The following TRPC7 variants were observed in gnomAD, a reference collection of about 807,000 sequenced individuals.
TRPC7 encodes the protein short transient receptor potential channel 7.
Under a neutral mutation model 90.1 loss-of-function variants are expected in TRPC7, and 42 were observed. The ratio of observed to expected loss-of-function variants is 0.47; its 90% CI spans 0.36 to 0.60. The LOEUF (loss-of-function observed/expected upper bound fraction) is 0.60, where lower values mean the gene tolerates loss of function less well. Among genes scored for constraint, TRPC7 ranks in the 20% least tolerant of loss-of-function variants. TRPC7 has a pLI of 0.00. For missense variants in TRPC7, 955 were observed against 1,112.3 expected (o/e 0.86, Z 2.01); for synonymous variants, 451 against 436.3 (o/e 1.03, Z -0.42).
intron 10 of TRPC7, among the ~76,000 whole-genome samples, chr5:136,216,595 A>G (rs1755278023): frequency 6.6e-6 from 1 of 152,260 alleles, no homozygotes; most frequent in Non-Finnish European, 1.5e-5. Context: ...TCTCTGCTCC[A>G]GGGGCCTTGG....
intron 3 of TRPC7, among the ~76,000 whole-genome samples, chr5:136,277,655 T>G (rs1417095018): frequency 6.6e-6 from 1 of 152,166 alleles, no homozygotes; most frequent in Non-Finnish European, 1.5e-5. Context: ...ACTCGGGGTG[T>G]GACCAGGATT....
intron 2 of TRPC7, among the ~76,000 whole-genome samples, chr5:136,325,266 G>A (rs1420227389): frequency 1.3e-5 from 2 of 152,200 alleles, no homozygotes; most frequent in Admixed American, 6.5e-5. Context: ...AAGAGTGGAG[G>A]ACATGCCTGG....
chr5:136,274,408 A>G (rs773117513), intron 4 of TRPC7, among the ~76,000 whole-genome samples: 1 of 152,110 alleles, frequency 6.6e-6, no homozygotes, highest in African/African-American at 2.4e-5. Context: ...TTTATTCTCA[A>G]TTCTGTTACT....
chr5:136,342,956 T>G (rs1375498481), intron 2 of TRPC7, among the ~76,000 whole-genome samples: 2 of 152,130 alleles, frequency 1.3e-5, no homozygotes, highest in African/African-American at 4.8e-5. Context: ...CAGAAACATG[T>G]ATTTGGGAAT....
At chr5:136,328,601 G>A (rs570937367) in intron 2 of TRPC7, among the ~76,000 whole-genome samples, 2 of 152,296 alleles carry the variant, frequency 1.3e-5, no homozygotes, top group East Asian at 1.9e-4. Context: ...TAATCTCTCT[G>A]TGTGCTCTAA....
At chr5:136,331,334 A>C (rs1246349099) in intron 2 of TRPC7, among the ~76,000 whole-genome samples, 1 of 152,088 alleles carries the variant, frequency 6.6e-6, no homozygotes, top group Non-Finnish European at 1.5e-5. Flanking sequence ...TTACTCATTT[A>C]ATCAACAAAA....
At chr5:136,241,553 C>A (rs1756165075) in intron 7 of TRPC7, among the ~76,000 whole-genome samples, 1 of 151,554 alleles carries the variant, frequency 6.6e-6, no homozygotes, top group Non-Finnish European at 1.5e-5. Flanking sequence ...GCACTCTTTT[C>A]CTTCCTTCCT....
chr5:136,279,210 A>G (rs1303668278), intron 3 of TRPC7, among the ~76,000 whole-genome samples: 1 of 152,124 alleles, frequency 6.6e-6, no homozygotes, highest in African/African-American at 2.4e-5. Context: ...AGTTTTCTAG[A>G]CCAAGAGAGA....
intron 2 of TRPC7, among the ~76,000 whole-genome samples, chr5:136,349,482 A>C (rs1760123475): frequency 3.9e-5 from 6 of 152,182 alleles, no homozygotes; most frequent in Admixed American, 3.9e-4. Context: ...CTGGTGAAAA[A>C]TTAATAGTGC....
At chr5:136,217,894 G>A (rs1460300476) in intron 10 of TRPC7, among the ~76,000 whole-genome samples, 1 of 151,220 alleles carries the variant, frequency 6.6e-6, no homozygotes, top group Non-Finnish European at 1.5e-5. Context: ...GTGTGTGCCT[G>A]TAATCCCAGC....
At position 136,365,343 on chromosome 5, in the gene TRPC7, C is replaced by T; in HGVS notation, c.-89G>A. ...GAAGCTGGCTCCCCATGGGTGGTAGCCAAGGATGTACCGCTCTCCGTGGTG... is the reference window on the plus strand; with the variant it reads ...GAAGCTGGCTCCCCATGGGTGGTAGTCAAGGATGTACCGCTCTCCGTGGTG... On this transcript the variant is annotated 5_prime_UTR_variant, in exon 1 of 12. Coordinates refer to ENST00000513104, the MANE Select transcript of TRPC7 (RefSeq NM_020389.3). 7.3e-7 allele frequency: 1 copy of T among 1,364,832 alleles called. No homozygotes were observed. The highest frequency in any genetic ancestry group is 1.0e-6 in the Non-Finnish European group (1 of 989,838). 84.5% of individuals were successfully genotyped at this position (1,364,832 alleles called of 1,614,324 possible).
At chr5:136,299,633 T>C (rs1244628754) in intron 3 of TRPC7, among the ~76,000 whole-genome samples, 1 of 152,166 alleles carries the variant, frequency 6.6e-6, no homozygotes, top group Non-Finnish European at 1.5e-5. Flanking sequence ...ATTTGAAAGA[T>C]CAAATGCTCA....
At chr5:136,255,748 T>G (rs1244893404) in intron 5 of TRPC7, among the ~76,000 whole-genome samples, 1 of 152,218 alleles carries the variant, frequency 6.6e-6, no homozygotes, top group African/African-American at 2.4e-5. Flanking sequence ...CTTAAATCCT[T>G]GCAACAATCC....
intron 3 of TRPC7, among the ~76,000 whole-genome samples, chr5:136,310,668 C>A (rs865918426): frequency 1.3e-5 from 2 of 152,132 alleles, no homozygotes; most frequent in Middle Eastern, 3.2e-3. Context: ...AGAACTGGGA[C>A]CACCTGCACA....
Position 136,226,197 on chromosome 5 carries a change from T to A in TRPC7, c.2099A>T (p.Asp700Val). The A allele has an allele frequency of 6.4e-7, 1 of 1,553,244 alleles. No individual in the cohort carries two copies. Among genetic ancestry groups the A allele is most frequent in the East Asian group, 2.4e-5 (1 of 41,288 alleles). ...ARAKLWLSYF[D>V]EGRTLPAPFN... Reference sequence around the variant, plus strand: ...AGGAGCAGGTAGAGTTCTTCCTTCATCAAAGTAAGACAGCCAGAGTTTTGC... The same window carrying A: ...AGGAGCAGGTAGAGTTCTTCCTTCAACAAAGTAAGACAGCCAGAGTTTTGC... The change falls in exon 9 of 12, where the codon GAT (aspartate) becomes GTT (valine). Residue 700 changes from aspartate to valine, a missense_variant. Physicochemically the swap from Asp to Val is radical, Grantham distance 152. Transcript: ENST00000513104.
Position 136,359,276 on chromosome 5 carries a change from A to G in TRPC7, c.3-1891T>C, listed in dbSNP as rs371196212. ...CTAATCCTGCCTGGAGCTGAGTCAC[A>G]CTTCCCTTGGGAAAAAGCTCCTAAA... On this transcript the variant is annotated intron_variant, in intron 1 of 11. Coordinates refer to ENST00000513104, the MANE Select transcript of TRPC7 (RefSeq NM_020389.3). Among the ~76,000 whole-genome samples the G allele has an allele frequency of 1.2e-4, 19 of 152,304 alleles. No homozygotes were observed. In the East Asian group the frequency reaches 2.7e-3, roughly 22 times the overall value.
At chr5:136,365,142 T>C (rs939720702) in intron 1 of TRPC7, 111 bp downstream of exon 1, 13 of 1,219,004 alleles carry the variant, frequency 1.1e-5, no homozygotes, top group Non-Finnish European at 1.5e-5. Flanking sequence ...ATCTAAGCAG[T>C]GCACTAGAGG....
intron 2 of TRPC7, among the ~76,000 whole-genome samples, chr5:136,348,647 G>T (rs2149856610): frequency 6.6e-6 from 1 of 152,296 alleles, no homozygotes; most frequent in Admixed American, 6.5e-5. Flanking sequence ...GTCCAGACTA[G>T]AAGATTTATA....
At chr5:136,249,414 A>G (rs528309101) in intron 6 of TRPC7, among the ~76,000 whole-genome samples, 1 of 152,356 alleles carries the variant, frequency 6.6e-6, no homozygotes, top group Admixed American at 6.5e-5. Flanking sequence ...AAAAACCATG[A>G]AAGACTAGTA....
Sources: allele counts gnomAD v4.1 joint callset (sites outside exome capture counted in the v4.1 genomes callset), GRCh38; gene constraint gnomAD v4.1.1; transcripts MANE v1.5; gene names NCBI Gene and HGNC (gene_info 2026-07-23, HGNC 2026-07-21).